The following TNFRSF25 variants were observed in gnomAD, a reference collection of about 807,000 sequenced individuals.
TNFRSF25 encodes the protein TNF receptor superfamily member 25.
Under a neutral mutation model 49.4 loss-of-function variants are expected in TNFRSF25, and 28 were observed. The ratio of observed to expected loss-of-function variants is 0.57; its 90% CI spans 0.42 to 0.78. The LOEUF is 0.78. TNFRSF25 is among the 30% of genes least tolerant of loss of function. TNFRSF25 has a pLI of 0.00. For missense variants in TNFRSF25, 531 were observed against 581.6 expected, an observed-to-expected ratio of 0.91 and a Z score of 0.90; for synonymous variants, 240 against 234.2, an observed-to-expected ratio of 1.02 and a Z score of -0.23.
intron 1 of TNFRSF25, 195 bp downstream of exon 1, chr1:6,465,868 GGGGCCC>G: frequency 7.0e-7 from 1 of 1,420,140 alleles, no homozygotes; most frequent in Non-Finnish European, 9.1e-7. Flanking sequence ...TGCTCTGCCT[GGGGCCC>G]CCAGACCCTC....
In TNFRSF25 at chr1:6,461,400, C is replaced by G; in HGVS notation, c.*34G>C. The G allele has an allele frequency of 6.8e-7, 1 of 1,478,164 alleles. No homozygotes were observed. The highest frequency in any genetic ancestry group is 2.5e-5 in the East Asian group (1 of 40,490). 91.6% of individuals were successfully genotyped at this position (1,478,164 alleles called of 1,614,324 possible). A position where few individuals can be genotyped will look rare whatever the true frequency, so the allele number is the denominator to read the frequency against. On this transcript the variant is annotated 3_prime_UTR_variant, in exon 10 of 10. Transcript: ENST00000356876. The surrounding 1 kb of genome is among the most constrained non-coding windows in gnomAD (Gnocchi z 6.3). ...CCGTACTTAGGGCTTCTGCAAGGGC[C>G]ACCAGAGCGCCTAGGTGGCAAGTGG...
In TNFRSF25 at chr1:6,461,717, G is replaced by A. The variant is rs1311347227; in HGVS notation, c.971C>T (p.Ser324Leu). 5.8e-6 allele frequency: 9 copies of A among 1,556,770 alleles called. No homozygotes were observed. Among genetic ancestry groups the A allele is most frequent in the Middle Eastern group, 1.8e-4 (1 of 5,578 alleles). Residue 324 changes from serine to leucine, a missense_variant, in exon 10 of 10, where the codon TCG becomes TTG. Coordinates refer to ENST00000356876, the MANE Select transcript of TNFRSF25 (RefSeq NM_003790.3). The surrounding 1 kb of genome is among the most constrained non-coding windows in gnomAD (Gnocchi z 6.3). ...GCCCGGCTGCAGCATCATGGCTGGCGAGCCGGCTGGGGACTCTGGCGAGAG... is the reference window on the plus strand; with the variant it reads ...GCCCGGCTGCAGCATCATGGCTGGCAAGCCGGCTGGGGACTCTGGCGAGAG... ...PTLSPESPAGSPAMMLQPGPQ... is the reference protein window; with the variant it reads ...PTLSPESPAGLPAMMLQPGPQ...
At position 6,465,111 on chromosome 1, in the gene TNFRSF25, C is replaced by G; in HGVS notation, c.272G>C (p.Arg91Pro). The change falls in exon 3 of 10, where the codon CGC (arginine) becomes CCC (proline). Residue 91 changes from arginine to proline, a missense_variant. Coordinates refer to ENST00000356876, the MANE Select transcript of TNFRSF25 (RefSeq NM_003790.3). ...ACCCTGCTCATCACAGGCCTGGCAG[C>G]GGGCACATTCAGAATTATGGTGGTT... ...WENHHNSECA[R>P]CQACDEQASQ... The G allele has an allele frequency of 6.2e-7, 1 of 1,613,788 alleles. No homozygotes were observed. The highest frequency in any genetic ancestry group is 8.5e-7 in the Non-Finnish European group (1 of 1,179,832).
chr1:6,462,911 G>A lies in TNFRSF25; in HGVS notation c.658C>T (p.Leu220=), dbSNP rs747080649. ...LVVPLLLGAT[L]TYTYRHCWPH... The stretch of plus-strand genomic sequence containing the variant: ...CAGCAGTGGCGGTATGTGTAGGTCA[G>A]GGTGGCCCCAAGCAGGAGGGGGACC... The change falls in exon 7 of 10, where the codon CTG becomes TTG. Residue 220 remains leucine, a synonymous_variant. Transcript: ENST00000356876. The surrounding 1 kb of genome is among the most constrained non-coding windows in gnomAD (Gnocchi z 4.2). The A allele has an allele frequency of 7.5e-6, 12 of 1,603,450 alleles. No homozygotes were observed. Among genetic ancestry groups the A allele is most frequent in the South Asian group, 3.4e-5 (3 of 89,528 alleles).
chr1:6,463,096 C>T lies in TNFRSF25; in HGVS notation c.574G>A (p.Ala192Thr). ...STLGSCPERC[A>T]AVCGWRQMFW... Reference sequence around the variant, plus strand: ...CTCTGCCTCCAGCCACAGACAGCGGCACAGCGCTCTGGACAGCTCCCCAGG... The same window carrying T: ...CTCTGCCTCCAGCCACAGACAGCGGTACAGCGCTCTGGACAGCTCCCCAGG... Residue 192 changes from alanine (A) to threonine (T), a missense_variant, in exon 6 of 10, where the codon GCC becomes ACC. Physicochemically the swap from Ala to Thr is moderately conservative, Grantham distance 58. Coordinates refer to ENST00000356876, the MANE Select transcript of TNFRSF25 (RefSeq NM_003790.3). 1 of 1,551,822 alleles carries T rather than the reference C, an allele frequency of 6.4e-7. No homozygotes were observed. The highest frequency in any genetic ancestry group is 1.2e-5 in the South Asian group (1 of 84,076).
intron 5 of TNFRSF25, 71 bp from the exon 6 acceptor site, chr1:6,463,198 C>T: frequency 6.9e-7 from 1 of 1,458,832 alleles, no homozygotes; most frequent in Non-Finnish European, 9.3e-7. Context: ...GACTGCCCAG[C>T]ATCTGCTCCA....
rs1293037713 is a variant in TNFRSF25 at position 6,463,079 on chromosome 1, C to T, written c.591G>A (p.Trp197Ter). The change falls in exon 6 of 10, where the codon TGG (tryptophan) becomes TGA (stop). Residue 197 changes from tryptophan (W) to a stop codon, truncating the protein, a stop_gained. Transcript: ENST00000356876. LOFTEE classifies it high-confidence loss of function. ...TCCCAGCACACCACCTACTCTGCCT[C>T]CAGCCACAGACAGCGGCACAGCGCT... Reference protein sequence around the residue: ...CPERCAAVCGWRQMFWVQVLL... With the variant: ...CPERCAAVCG 6.4e-7 allele frequency: 1 copy of T among 1,551,824 alleles called. No individual in the cohort carries two copies. The highest frequency in any genetic ancestry group is 8.7e-7 in the Non-Finnish European group (1 of 1,147,136).
chr1:6,463,460 C>T (rs953253933), intron 5 of TNFRSF25: 1 of 320,672 alleles, frequency 3.1e-6, no homozygotes, highest in African/African-American at 2.1e-5. Flanking sequence ...GGCGCGGTGG[C>T]TCATGCCTGT....
chr1:6,462,513 A>G lies in TNFRSF25; in HGVS notation c.744+116T>C. 6.5e-7 allele frequency: 1 copy of G among 1,530,770 alleles called. No homozygotes were observed. The highest frequency in any genetic ancestry group is 8.8e-7 in the Non-Finnish European group (1 of 1,141,432). The allele number at this position is 1,530,770 out of a possible 1,614,324, so 94.8% of individuals were successfully genotyped here. A position where few individuals can be genotyped will look rare whatever the true frequency, so the allele number is the denominator to read the frequency against. The stretch of plus-strand genomic sequence containing the variant: ...ATCCACTGATGACTCTGCTCCCAAC[A>G]CCTCTGTCCACTAGGGCTACCCGGT... On this transcript the variant is annotated intron_variant, in intron 8 of 9. Coordinates refer to ENST00000356876, the MANE Select transcript of TNFRSF25 (RefSeq NM_003790.3). This position sits in a 1 kb window ranked among gnomAD's most constrained non-coding sequence, Gnocchi z 4.2.
In TNFRSF25 at chr1:6,462,770, TCA is replaced by T. The variant is rs1644215862; in HGVS notation, c.706+91_706+92del. On this transcript the variant is annotated intron_variant, in intron 7 of 9. Coordinates refer to ENST00000356876, the MANE Select transcript of TNFRSF25 (RefSeq NM_003790.3). This position sits in a 1 kb window ranked among gnomAD's most constrained non-coding sequence, Gnocchi z 4.2. ...TCCTCTGCACCCCACACTCCCTGCC[TCA>T]GTTTCCCCTTCTGTATCAGGGTTGA... 4 of 1,572,050 alleles carry T rather than the reference TCA, an allele frequency of 2.5e-6. No individual in the cohort carries two copies. In the African/African-American group the frequency reaches 4.1e-5, roughly 16 times the overall value.
In TNFRSF25 at chr1:6,461,241, C is replaced by CT; in HGVS notation, c.*192dup. On this transcript the variant is annotated 3_prime_UTR_variant, in exon 10 of 10. Coordinates refer to ENST00000356876, the MANE Select transcript of TNFRSF25 (RefSeq NM_003790.3). The surrounding 1 kb of genome is among the most constrained non-coding windows in gnomAD (Gnocchi z 6.3). Reference sequence around the variant, plus strand: ...AAGTTGAGAAATGTCTTCACCCCCTCTCGACATTCGTTCGTGCTTCTTCGC... The same window carrying CT: ...AAGTTGAGAAATGTCTTCACCCCCTCTTCGACATTCGTTCGTGCTTCTTCGC... 1.3e-6 allele frequency: 1 copy of CT among 762,488 alleles called. No individual in the cohort carries two copies. The highest frequency in any genetic ancestry group is 2.3e-6 in the Non-Finnish European group (1 of 427,400). 47.2% of individuals were successfully genotyped at this position (762,488 alleles called of 1,614,324 possible). A position where few individuals can be genotyped will look rare whatever the true frequency, so the allele number is the denominator to read the frequency against.
Position 6,464,693 on chromosome 1 carries a change from A to C in TNFRSF25, c.322T>G (p.Ser108Ala), listed in dbSNP as rs776950742. ...QASQVALENCSAVADTRCGCK... is the reference protein window; with the variant it reads ...QASQVALENCAAVADTRCGCK... ...CCACAGCGGGTGTCGGCCACTGCTG[A>C]ACAGTTCTCCAGCGCCACCTGGGAG... Residue 108 changes from serine (S) to alanine (A), a missense_variant, in exon 4 of 10, where the codon TCA becomes GCA. By Grantham distance (99) the Ser-to-Ala change is moderately conservative. Transcript: ENST00000356876. 6.2e-7 allele frequency: 1 copy of C among 1,613,856 alleles called. No individual in the cohort carries two copies. The highest frequency in any genetic ancestry group is 1.7e-5 in the Admixed American group (1 of 60,022).
intron 5 of TNFRSF25, 115 bp downstream of exon 5, chr1:6,464,260 C>A: frequency 6.6e-7 from 1 of 1,520,054 alleles, no homozygotes; most frequent in Non-Finnish European, 8.8e-7. Context: ...AGGGCCAAGG[C>A]TCCCTCCTCC....
Position 6,462,381 on chromosome 1 carries a change from C to A in TNFRSF25, c.745-207G>T, listed in dbSNP as rs1644201518. The A allele has an allele frequency of 1.7e-6, 2 of 1,167,754 alleles. No individual in the cohort carries two copies. Among genetic ancestry groups the A allele is most frequent in the African/African-American group, 1.6e-5 (1 of 64,314 alleles). 72.3% of individuals were successfully genotyped at this position (1,167,754 alleles called of 1,614,324 possible). ...CCTGCCCCCGCCTCCTTCCTCTTGT[C>A]CCCCAGCACCATGGGGCTCTCCTTC... is the stretch of plus-strand genomic sequence containing the variant. On this transcript the variant is annotated intron_variant, in intron 8 of 9. Transcript: ENST00000356876. This position sits in a 1 kb window ranked among gnomAD's most constrained non-coding sequence, Gnocchi z 4.2.
chr1:6,461,141 CAAG>C lies in TNFRSF25; in HGVS notation c.*290_*292del, dbSNP rs1234873886. Reference sequence around the variant, plus strand: ...TAACACCCCAGCCCCGCAGAAACGCCAAGAAGCCGTTTTTGTTTTGTTTTGTTT... The same window carrying C: ...TAACACCCCAGCCCCGCAGAAACGCCAAGCCGTTTTTGTTTTGTTTTGTTT... On this transcript the variant is annotated 3_prime_UTR_variant, in exon 10 of 10. Coordinates refer to ENST00000356876, the MANE Select transcript of TNFRSF25 (RefSeq NM_003790.3). This position sits in a 1 kb window ranked among gnomAD's most constrained non-coding sequence, Gnocchi z 6.3. 1.6e-6 allele frequency: 1 copy of C among 643,484 alleles called. No individual in the cohort carries two copies. The highest frequency in any genetic ancestry group is 2.9e-6 in the Non-Finnish European group (1 of 339,058). 39.9% of individuals were successfully genotyped at this position (643,484 alleles called of 1,614,324 possible).
In TNFRSF25 at chr1:6,461,338, T is replaced by C; in HGVS notation, c.*96A>G. 1 of 1,422,016 alleles carries C rather than the reference T, an allele frequency of 7.0e-7. No individual in the cohort carries two copies. The highest frequency in any genetic ancestry group is 9.5e-7 in the Non-Finnish European group (1 of 1,052,674). The allele number at this position is 1,422,016 out of a possible 1,614,324, so 88.1% of individuals were successfully genotyped here. A position where few individuals can be genotyped will look rare whatever the true frequency, so the allele number is the denominator to read the frequency against. On this transcript the variant is annotated 3_prime_UTR_variant, in exon 10 of 10. Coordinates refer to ENST00000356876, the MANE Select transcript of TNFRSF25 (RefSeq NM_003790.3). The surrounding 1 kb of genome is among the most constrained non-coding windows in gnomAD (Gnocchi z 6.3). Reference sequence around the variant, plus strand: ...TGCTACGCAGGGCCGTGCCAGCGGCTTAATAAGTGACATAAAATGTCTACA... The same window carrying C: ...TGCTACGCAGGGCCGTGCCAGCGGCCTAATAAGTGACATAAAATGTCTACA...
rs367817707 is a variant in TNFRSF25 at position 6,462,060 on chromosome 1, C to T, written c.859G>A (p.Glu287Lys). 20 of 1,613,616 alleles carry T rather than the reference C, an allele frequency of 1.2e-5. No individual in the cohort carries two copies. The highest frequency in any genetic ancestry group is 2.7e-5 in the African/African-American group (2 of 74,916). ...VGNSWTPGYP[E>K]TQEALCPQVT... ...TGCGGGCAGAGCGCCTCCTGGGTCTCGGGGTAGCCAGGGGTCCAGCTGTTA... is the reference window on the plus strand; with the variant it reads ...TGCGGGCAGAGCGCCTCCTGGGTCTTGGGGTAGCCAGGGGTCCAGCTGTTA... Residue 287 changes from glutamate (E) to lysine (K), a missense_variant, in exon 9 of 10, where the codon GAG becomes AAG. Coordinates refer to ENST00000356876, the MANE Select transcript of TNFRSF25 (RefSeq NM_003790.3). This position sits in a 1 kb window ranked among gnomAD's most constrained non-coding sequence, Gnocchi z 4.2.
chr1:6,464,168 ATACCCTTATGTAT>A, intron 5 of TNFRSF25, 194 bp downstream of exon 5: 1 of 1,431,066 alleles, frequency 7.0e-7, no homozygotes, highest in African/African-American at 1.4e-5. Context: ...GTGAAGGCAA[ATACCCTTATGTAT>A]CTGGCTAAGG....
At position 6,462,813 on chromosome 1, in the gene TNFRSF25, C is replaced by A. The variant is rs745643263; in HGVS notation, c.706+50G>T. The A allele has an allele frequency of 1.9e-6, 3 of 1,571,342 alleles. No individual in the cohort carries two copies. The highest frequency in any genetic ancestry group is 2.6e-6 in the Non-Finnish European group (3 of 1,156,530). On this transcript the variant is annotated intron_variant, in intron 7 of 9. Coordinates refer to ENST00000356876, the MANE Select transcript of TNFRSF25 (RefSeq NM_003790.3). The surrounding 1 kb of genome is among the most constrained non-coding windows in gnomAD (Gnocchi z 4.2). ...TCAGGGTTGAGTAGACTCTGGGCTA[C>A]CCATCCTGACCCCAGGCTTCTGGGT... is the stretch of plus-strand genomic sequence containing the variant.
Sources: allele counts gnomAD v4.1 joint callset, GRCh38; gene constraint gnomAD v4.1.1; non-coding constraint Gnocchi (gnomAD v3.1); transcripts MANE v1.5; gene names NCBI Gene and HGNC (gene_info 2026-07-23, HGNC 2026-07-21).